The following CDH11 variants were observed in gnomAD, a reference collection of about 807,000 sequenced individuals.
The protein encoded by CDH11 is cadherin-11.
CDH11 carries 11 observed loss-of-function variants against 67.8 expected under a neutral mutation model. The observed-to-expected ratio is 0.16, with a 90% CI of 0.10 to 0.27. The LOEUF (loss-of-function observed/expected upper bound fraction) is 0.27. Among genes scored for constraint, CDH11 ranks in the 10% least tolerant of loss-of-function variants. The pLI is 1.00. For missense variants in CDH11, 847 were observed against 1,031.2 expected (o/e 0.82, Z 2.45); for synonymous variants, 419 against 400.0 (o/e 1.05, Z -0.57).
intron 1 of CDH11, among the ~76,000 whole-genome samples, chr16:65,095,695 G>A (rs901005996): frequency 1.3e-5 from 2 of 152,192 alleles, no homozygotes; most frequent in East Asian, 1.9e-4. Context: ...CATCTGAGAT[G>A]TCTAGTCTGC....
chr16:65,007,516 C>A (rs552390334), intron 2 of CDH11, among the ~76,000 whole-genome samples: 3 of 152,128 alleles, frequency 2.0e-5, no homozygotes, highest in Non-Finnish European at 4.4e-5. Context: ...GGAAAGAGCA[C>A]AAAGAAGGCC....
intron 2 of CDH11, among the ~76,000 whole-genome samples, chr16:65,047,599 C>T (rs991681277): frequency 5.3e-5 from 8 of 152,132 alleles, no homozygotes; most frequent in Admixed American, 2.0e-4. Flanking sequence ...ATCTGCCCAC[C>T]TTGGCCTCCC....
At chr16:64,953,558 G>C (rs2071421827) in intron 11 of CDH11, among the ~76,000 whole-genome samples, 1 of 151,860 alleles carries the variant, frequency 6.6e-6, no homozygotes, top group African/African-American at 2.4e-5. Context: ...CTATGAAATA[G>C]GATGAAAAAA....
intron 11 of CDH11, among the ~76,000 whole-genome samples, chr16:64,964,053 CTT>C (rs1256836012): frequency 2.0e-5 from 3 of 152,104 alleles, no homozygotes; most frequent in Non-Finnish European, 4.4e-5. Flanking sequence ...GAAACAGACA[CTT>C]TTATTTTTCT....
chr16:65,117,486 G>A (rs2075261886), intron 1 of CDH11, among the ~76,000 whole-genome samples: 1 of 151,964 alleles, frequency 6.6e-6, no homozygotes, highest in Non-Finnish European at 1.5e-5. Flanking sequence ...CCATATCGCT[G>A]AGAAGAAAAA....
At chr16:65,041,661 T>A (rs967541902) in intron 2 of CDH11, among the ~76,000 whole-genome samples, 1 of 152,226 alleles carries the variant, frequency 6.6e-6, no homozygotes, top group Admixed American at 6.5e-5. Flanking sequence ...GGAATGTTCT[T>A]CTGATTGATA....
chr16:64,958,115 A>T (rs2071568727), intron 11 of CDH11, among the ~76,000 whole-genome samples: 1 of 152,224 alleles, frequency 6.6e-6, no homozygotes, highest in Non-Finnish European at 1.5e-5. Flanking sequence ...TTCACCAGAC[A>T]ATAACCTCCT....
chr16:65,103,010 G>A (rs894347107), intron 1 of CDH11, among the ~76,000 whole-genome samples: 1 of 152,138 alleles, frequency 6.6e-6, no homozygotes, highest in Admixed American at 6.5e-5. Flanking sequence ...CCGTCTCTCT[G>A]TGCCCTCCTC....
rs144873375 is a variant in CDH11 at position 64,978,308 on chromosome 16, T to G, written c.1253+3740A>C. 2.2e-3 allele frequency among the ~76,000 whole-genome samples: 339 copies of G among 152,324 alleles called. 3 individuals are homozygous for G. The highest frequency in any genetic ancestry group is 7.5e-3 in the African/African-American group (311 of 41,570). Reference sequence around the variant, plus strand: ...TAGTGGAAGGCGCAGTGATGATCTATAACAGGGGCCAGCAAACTTGTTCTG... The same window carrying G: ...TAGTGGAAGGCGCAGTGATGATCTAGAACAGGGGCCAGCAAACTTGTTCTG... On this transcript the variant is annotated intron_variant, in intron 8 of 12. Coordinates refer to ENST00000268603, the MANE Select transcript of CDH11 (RefSeq NM_001797.4).
In CDH11 at chr16:64,969,799, A is replaced by G. The variant is rs530467723; in HGVS notation, c.1642+1780T>C. 3.3e-5 allele frequency among the ~76,000 whole-genome samples: 5 copies of G among 152,338 alleles called. No individual in the cohort carries two copies. In the East Asian group the frequency reaches 7.7e-4, roughly 24 times the overall value. On this transcript the variant is annotated intron_variant, in intron 11 of 12. Transcript: ENST00000268603. ...GCTCAGTACACATTTTTAAATGTTC[A>G]CTATGTGCCTGAGTTTCCTTGTTTT...
chr16:65,072,953 G>A (rs2074443393), intron 1 of CDH11, among the ~76,000 whole-genome samples: 1 of 152,184 alleles, frequency 6.6e-6, no homozygotes, highest in South Asian at 2.1e-4. Context: ...ACTCAGCACA[G>A]AGCAAGCTCT....
Position 64,971,713 on chromosome 16 carries a change from GC to G in CDH11, c.1525-18del. On this transcript the variant is annotated intron_variant, in intron 10 of 12. Coordinates refer to ENST00000268603, the MANE Select transcript of CDH11 (RefSeq NM_001797.4). ...AACAATTGGCTGAAAGAGAAAGGTGGCCCATAAATAAATCATGCTGACATTG... is the reference window on the plus strand; with the variant it reads ...AACAATTGGCTGAAAGAGAAAGGTGGCCATAAATAAATCATGCTGACATTG... 6.4e-7 allele frequency: 1 copy of G among 1,558,918 alleles called. No homozygotes were observed. Among genetic ancestry groups the G allele is most frequent in the Non-Finnish European group, 8.8e-7 (1 of 1,131,190 alleles).
intron 1 of CDH11, chr16:65,094,660 T>C (rs1183058272): frequency 6.6e-6 from 1 of 152,188 alleles, no homozygotes; most frequent in African/African-American, 2.4e-5. Context: ...TTTAACATGG[T>C]TTCATGATCT....
rs752051131 is a variant in CDH11 at position 64,988,143 on chromosome 16, T to A, written c.999+14A>T. 5 of 1,596,356 alleles carry A rather than the reference T, an allele frequency of 3.1e-6. 1 individual carries two copies. The highest frequency in any genetic ancestry group is 2.6e-6 in the Non-Finnish European group (3 of 1,170,054). ...CCATACCACTGACACGTCTGATTCC[T>A]TACCCTAACTCACCTTTTTCAGCTT... is the stretch of plus-strand genomic sequence containing the variant. On this transcript the variant is annotated intron_variant, in intron 7 of 12. Coordinates refer to ENST00000268603, the MANE Select transcript of CDH11 (RefSeq NM_001797.4).
At chr16:64,956,877 T>C (rs1035910458) in intron 11 of CDH11, among the ~76,000 whole-genome samples, 5 of 151,942 alleles carry the variant, frequency 3.3e-5, no homozygotes, top group African/African-American at 1.2e-4. Flanking sequence ...AATGAGGAAA[T>C]ATATGAGACT....
intron 1 of CDH11, chr16:65,094,478 A>G (rs552784050): frequency 3.3e-5 from 5 of 152,202 alleles, no homozygotes; most frequent in South Asian, 2.1e-4. Context: ...GTATTTATAT[A>G]TAAATATGCA....
intron 2 of CDH11, among the ~76,000 whole-genome samples, chr16:65,042,612 C>T (rs1304346633): frequency 6.6e-6 from 1 of 152,114 alleles, no homozygotes; most frequent in Non-Finnish European, 1.5e-5. Context: ...GATTTTATTC[C>T]AGTTAAAACA....
At chr16:64,949,425 CTTTTTTTTTTT>C (rs71143535) in intron 12 of CDH11, among the ~76,000 whole-genome samples, 2 of 106,020 alleles carry the variant, frequency 1.9e-5, no homozygotes, top group African/African-American at 3.9e-5. Flanking sequence ...TTTTTTTTTT[CTTTTTTTTTTT>C]TTTTTTTGAG....
chr16:64,950,628 T>TACCCCC, intron 12 of CDH11, 139 bp downstream of exon 12: 1 of 593,682 alleles, frequency 1.7e-6, no homozygotes, highest in Non-Finnish European at 2.4e-6. Flanking sequence ...CCCGCCCCCG[T>TACCCCC]ACCCCACTTC....
Sources: gnomAD v4.1 joint callset for allele counts (sites outside exome capture counted in the v4.1 genomes callset) on GRCh38, gnomAD v4.1.1 for gene constraint, MANE v1.5 for transcripts, NCBI Gene and HGNC (gene_info 2026-07-23, HGNC 2026-07-21) for gene names.